The following STEAP1B variants were observed in gnomAD, a reference collection of about 807,000 sequenced individuals.
The protein encoded by STEAP1B is STEAP family protein MGC87042.
In STEAP1B, 13 loss-of-function variants were observed where a neutral mutation model predicts 27.9. That is an observed-to-expected ratio of 0.47 (90% CI 0.30 to 0.74). The LOEUF (loss-of-function observed/expected upper bound fraction) is 0.74. Among genes scored for constraint, STEAP1B ranks in the 30% least tolerant of loss-of-function variants. The pLI is 0.06. For synonymous variants in STEAP1B, 86 were observed against 107.1 expected, an observed-to-expected ratio of 0.80 and a Z score of 1.22; for missense variants, 250 against 298.7, an observed-to-expected ratio of 0.84 and a Z score of 1.20.
chr7:22,487,740 G>A (rs1316228065), intron 4 of STEAP1B, among the ~76,000 whole-genome samples: 1 of 148,780 alleles, frequency 6.7e-6, no homozygotes, highest in Non-Finnish European at 1.5e-5. Context: ...GGGAGGCGGA[G>A]GTTACGATGA....
chr7:22,460,685 T>A (rs1785663432), intron 4 of STEAP1B, among the ~76,000 whole-genome samples: 2 of 152,178 alleles, frequency 1.3e-5, no homozygotes, highest in African/African-American at 2.4e-5. Flanking sequence ...GCTGCAAGCT[T>A]GCAGAGGGAT....
intron 4 of STEAP1B, among the ~76,000 whole-genome samples, chr7:22,445,761 C>G (rs1785400422): frequency 1.3e-5 from 2 of 152,238 alleles, no homozygotes; most frequent in South Asian, 4.1e-4. Flanking sequence ...GAGCTATATT[C>G]TCACAAGGGC....
At chr7:22,499,253 T>C (rs1327628558) in intron 1 of STEAP1B, among the ~76,000 whole-genome samples, 1 of 152,222 alleles carries the variant, frequency 6.6e-6, no homozygotes, top group Non-Finnish European at 1.5e-5. Context: ...CATGTTTATG[T>C]CCCGCAGTTG....
At chr7:22,461,553 G>A (rs1785679091) in intron 4 of STEAP1B, among the ~76,000 whole-genome samples, 1 of 152,214 alleles carries the variant, frequency 6.6e-6, no homozygotes, top group African/African-American at 2.4e-5. Context: ...GTGAGCCACT[G>A]TGGCTGGCCC....
chr7:22,430,717 C>T (rs1294574977), intron 4 of STEAP1B, among the ~76,000 whole-genome samples: 1 of 152,196 alleles, frequency 6.6e-6, no homozygotes, highest in Non-Finnish European at 1.5e-5. Flanking sequence ...GTGAAGAAAG[C>T]TGTTTCCTGC....
At chr7:22,496,188 G>A (rs370832666) in intron 1 of STEAP1B, among the ~76,000 whole-genome samples, 2 of 151,688 alleles carry the variant, frequency 1.3e-5, no homozygotes, top group Non-Finnish European at 1.5e-5. Flanking sequence ...AGTCTAAAAA[G>A]AAAAAAAATT....
At chr7:22,427,959 T>C (rs911349723) in intron 4 of STEAP1B, among the ~76,000 whole-genome samples, 1 of 152,248 alleles carries the variant, frequency 6.6e-6, no homozygotes, top group African/African-American at 2.4e-5. Context: ...ACTTTCAGGT[T>C]TGTATGCTGA....
At chr7:22,484,125 T>C (rs1182315723) in intron 4 of STEAP1B, among the ~76,000 whole-genome samples, 1 of 152,190 alleles carries the variant, frequency 6.6e-6, no homozygotes, top group Non-Finnish European at 1.5e-5. Flanking sequence ...GGAGAAGCTG[T>C]AGTGAGTTAC....
intron 4 of STEAP1B, among the ~76,000 whole-genome samples, chr7:22,430,514 C>T (rs1395795444): frequency 1.3e-5 from 2 of 152,190 alleles, no homozygotes; most frequent in African/African-American, 4.8e-5. Context: ...CTGTTGGACT[C>T]CCAGGTTTCA....
chr7:22,450,548 G>A (rs1189947351), intron 4 of STEAP1B, among the ~76,000 whole-genome samples: 1 of 150,312 alleles, frequency 6.7e-6, no homozygotes, highest in African/African-American at 2.4e-5. Flanking sequence ...CTGTTTTTAT[G>A]CAAGTACCAT....
chr7:22,467,563 T>C (rs191373844), intron 4 of STEAP1B, among the ~76,000 whole-genome samples: 7 of 152,362 alleles, frequency 4.6e-5, no homozygotes, highest in South Asian at 2.1e-4. Context: ...TGGGAGATAA[T>C]TGAATTTTGG....
intron 4 of STEAP1B, among the ~76,000 whole-genome samples, chr7:22,461,005 A>T (rs2128407796): frequency 6.6e-6 from 1 of 152,312 alleles, no homozygotes; most frequent in East Asian, 1.9e-4. Flanking sequence ...TACATTGATA[A>T]ATGACACAGG....
intron 4 of STEAP1B, among the ~76,000 whole-genome samples, chr7:22,482,047 G>A (rs534504717): frequency 6.6e-6 from 1 of 152,292 alleles, no homozygotes; most frequent in Admixed American, 6.5e-5. Context: ...CTCCCCACAG[G>A]GGCCAGGCAG....
chr7:22,422,166 A>C (rs1785051962), intron 4 of STEAP1B, among the ~76,000 whole-genome samples: 1 of 152,216 alleles, frequency 6.6e-6, no homozygotes, highest in Admixed American at 6.5e-5. Flanking sequence ...AATGTGCAGA[A>C]AAAGCAACCT....
At chr7:22,443,282 T>C (rs1292647188) in intron 4 of STEAP1B, among the ~76,000 whole-genome samples, 1 of 152,226 alleles carries the variant, frequency 6.6e-6, no homozygotes, top group East Asian at 1.9e-4. Context: ...ATCATGTTCT[T>C]TGGTATGTTC....
chr7:22,443,355 A>G (rs1269749844), intron 4 of STEAP1B, among the ~76,000 whole-genome samples: 1 of 152,248 alleles, frequency 6.6e-6, no homozygotes, highest in Non-Finnish European at 1.5e-5. Context: ...CATTTAATCA[A>G]TCACTTCAAT....
chr7:22,458,993 C>A (rs1214101812), intron 4 of STEAP1B, among the ~76,000 whole-genome samples: 1 of 151,920 alleles, frequency 6.6e-6, no homozygotes, highest in Non-Finnish European at 1.5e-5. Context: ...CCTAAAGTCA[C>A]CTATAAAGCC....
rs1387769730 is a variant in STEAP1B at position 22,493,832 on chromosome 7, T to C, written c.89A>G (p.Glu30Gly). The change falls in exon 3 of 5, where the codon GAG (glutamate) becomes GGG (glycine). Residue 30 changes from glutamate (E) to glycine (G), a missense_variant. Transcript: ENST00000678116. ...RNLEDNDYLHEDTGETSMLKR... is the reference protein window; with the variant it reads ...RNLEDNDYLHGDTGETSMLKR... The stretch of plus-strand genomic sequence containing the variant: ...TAGCATGCTGGTCTCTCCCGTGTCC[T>C]CATGCTACAAAGGAAAGAAAATTAA... The C allele has an allele frequency of 6.3e-7, 1 of 1,595,922 alleles. No homozygotes were observed. The highest frequency in any genetic ancestry group is 1.4e-5 in the African/African-American group (1 of 73,206).
chr7:22,438,889 T>C, intron 4 of STEAP1B: 1 of 1,205,818 alleles, frequency 8.3e-7, no homozygotes, highest in Non-Finnish European at 1.1e-6. Context: ...TCTCAACTAT[T>C]TTATTATTTG....
Sources: gnomAD v4.1 joint callset for allele counts (sites outside exome capture counted in the v4.1 genomes callset) on GRCh38, gnomAD v4.1.1 for gene constraint, MANE v1.5 for transcripts, NCBI Gene and HGNC (gene_info 2026-07-23, HGNC 2026-07-21) for gene names.